KRAS: variants seen among roughly 807,000 people sequenced by gnomAD.
KRAS encodes GTPase KRas.
In KRAS, 1 loss-of-function variant was observed where a neutral mutation model predicts 21.0. That is an observed-to-expected ratio of 0.05 (90% CI 0.02 to 0.23). The LOEUF is 0.23. KRAS is among the 10% of genes least tolerant of loss of function. The probability of loss-of-function intolerance (pLI) is 1.00; values close to 1 mark genes in which losing one functional copy is unlikely to be tolerated. For missense variants in KRAS, 107 were observed against 221.8 expected (o/e 0.48, Z 3.29); for synonymous variants, 67 against 72.5 (o/e 0.92, Z 0.39).
Position 25,209,270 on chromosome 12 carries a change from T to C in KRAS, c.*525A>G. 1 of 674,568 alleles carries C rather than the reference T, an allele frequency of 1.5e-6. No homozygotes were observed. The highest frequency in any genetic ancestry group is 2.7e-6 in the Non-Finnish European group (1 of 371,244). 41.8% of individuals were successfully genotyped at this position (674,568 alleles called of 1,614,324 possible). ...GGAGACAAAACCTTTGTGAACAGTG[T>C]AACTTTACATTCATCAGGGATGACA... On this transcript the variant is annotated 3_prime_UTR_variant, in exon 5 of 5. Coordinates refer to ENST00000311936, the MANE Select transcript of KRAS (RefSeq NM_004985.5).
intron 2 of KRAS, chr12:25,234,655 G>A (rs1421746272): frequency 1.1e-5 from 2 of 187,746 alleles, no homozygotes; most frequent in Non-Finnish European, 1.1e-5. Context: ...TTAATGAAGT[G>A]TTTCCTGGTT....
At chr12:25,242,496 T>C (rs1951623410) in intron 2 of KRAS, among the ~76,000 whole-genome samples, 1 of 152,200 alleles carries the variant, frequency 6.6e-6, no homozygotes, top group Non-Finnish European at 1.5e-5. Context: ...TTTTCAATAA[T>C]CTTGCCCTAA....
At chr12:25,233,151 T>TA (rs1405354585) in intron 2 of KRAS, among the ~76,000 whole-genome samples, 3 of 152,146 alleles carry the variant, frequency 2.0e-5, no homozygotes, top group Non-Finnish European at 4.4e-5. Flanking sequence ...TAGTCCATGA[T>TA]AACTATTTTG....
intron 4 of KRAS, chr12:25,215,202 C>A (rs1451949052): frequency 2.9e-6 from 2 of 684,876 alleles, no homozygotes; most frequent in African/African-American, 3.9e-5. Flanking sequence ...CTCATTAAAT[C>A]ATTAGACTTT....
chr12:25,206,284 A>G lies in KRAS; in HGVS notation c.*3511T>C. 9.6e-6 allele frequency: 2 copies of G among 208,948 alleles called. No homozygotes were observed. Among genetic ancestry groups the G allele is most frequent in the Non-Finnish European group, 1.9e-5 (2 of 102,648 alleles). The allele number at this position is 208,948 out of a possible 1,614,324, so 12.9% of individuals were successfully genotyped here. ...CCTATGCAGTGTGACTCAGTTAAAT[A>G]GAGCCTAGAATGCCTACTTGGGAAC... On this transcript the variant is annotated 3_prime_UTR_variant, in exon 5 of 5. Coordinates refer to ENST00000311936, the MANE Select transcript of KRAS (RefSeq NM_004985.5).
intron 3 of KRAS, among the ~76,000 whole-genome samples, chr12:25,226,858 GCTT>G (rs1951399852): frequency 6.6e-6 from 1 of 152,106 alleles, no homozygotes. Flanking sequence ...ACACACGATT[GCTT>G]TTAAGACTGT....
chr12:25,213,599 C>T (rs1362374643), intron 4 of KRAS, among the ~76,000 whole-genome samples: 1 of 152,140 alleles, frequency 6.6e-6, no homozygotes, highest in Non-Finnish European at 1.5e-5. Context: ...TAGATTAGTA[C>T]ACCACGTAGT....
In KRAS at chr12:25,246,558, A is replaced by AAAAC. The variant is rs543561816; in HGVS notation, c.-11-1167_-11-1164dup. Among the ~76,000 whole-genome samples the AAAAC allele has an allele frequency of 2.5e-3, 383 of 152,034 alleles. 3 individuals are homozygous for AAAAC. The highest frequency in any genetic ancestry group is 8.4e-3 in the African/African-American group (348 of 41,476). On this transcript the variant is annotated intron_variant, in intron 1 of 4. Transcript: ENST00000311936. The stretch of plus-strand genomic sequence containing the variant: ...GGGTGACGGAGTAAGACTCCATCTC[A>AAAAC]AAACAAACAAACAAACAAAAAGATT...
chr12:25,224,692 C>T (rs905345669), intron 4 of KRAS, among the ~76,000 whole-genome samples: 1 of 152,030 alleles, frequency 6.6e-6, no homozygotes, highest in Admixed American at 6.6e-5. Context: ...TTAACAATTG[C>T]CTTATAGTCA....
intron 1 of KRAS, among the ~76,000 whole-genome samples, chr12:25,250,056 G>A (rs1176645664): frequency 1.3e-5 from 2 of 152,156 alleles, no homozygotes; most frequent in Non-Finnish European, 2.9e-5. Context: ...CAATGTCACA[G>A]CCCATACATG....
intron 1 of KRAS, among the ~76,000 whole-genome samples, chr12:25,248,417 TC>T (rs2135811065): frequency 6.6e-6 from 1 of 152,126 alleles, no homozygotes; most frequent in East Asian, 1.9e-4. Context: ...GCCACTGCAT[TC>T]CGGCCTGGGT....
Position 25,249,591 on chromosome 12 carries a change from C to CAAAAAAAAAAAAAAAAAAAAAAA in KRAS, c.-12+1159_-12+1160insTTTTTTTTTTTTTTTTTTTTTTT, listed in dbSNP as rs71065929. 1.2e-4 allele frequency among the ~76,000 whole-genome samples: 7 copies of CAAAAAAAAAAAAAAAAAAAAAAA among 60,828 alleles called. 1 individual carries two copies. The highest frequency in any genetic ancestry group is 1.9e-4 in the African/African-American group (3 of 15,772). The allele number at this position is 60,828 out of a possible 152,430, so 39.9% of individuals were successfully genotyped here. On this transcript the variant is annotated intron_variant, in intron 1 of 4. Transcript: ENST00000311936. ...TGGGCAACAGAGCGAGACTGTGTCT[C>CAAAAAAAAAAAAAAAAAAAAAAA]AAAAAAAAAAAAAAAAAGGAGATGC...
intron 4 of KRAS, among the ~76,000 whole-genome samples, chr12:25,221,981 C>T (rs2141499270): frequency 6.6e-6 from 1 of 152,044 alleles, no homozygotes; most frequent in Admixed American, 6.6e-5. Context: ...AAACCCGTCT[C>T]TACTAAAAAT....
At chr12:25,215,115 A>AG in intron 4 of KRAS, 1 of 258,304 alleles carries the variant, frequency 3.9e-6, no homozygotes, top group African/African-American at 2.3e-5. Context: ...AAAAAAAAAA[A>AG]GCTGCTGATT....
At chr12:25,222,915 A>T (rs370910462) in intron 4 of KRAS, among the ~76,000 whole-genome samples, 1 of 152,196 alleles carries the variant, frequency 6.6e-6, no homozygotes, top group South Asian at 2.1e-4. Context: ...ACAAAGTGGG[A>T]CTAACAAGAC....
At chr12:25,233,399 C>CA (rs1033275125) in intron 2 of KRAS, among the ~76,000 whole-genome samples, 6 of 150,776 alleles carry the variant, frequency 4.0e-5, no homozygotes, top group Non-Finnish European at 7.4e-5. Flanking sequence ...ACAAAAAATA[C>CA]AAAAAAAAAT....
intron 2 of KRAS, among the ~76,000 whole-genome samples, chr12:25,228,316 T>C (rs1408486913): frequency 6.6e-6 from 1 of 151,474 alleles, no homozygotes; most frequent in East Asian, 1.9e-4. Flanking sequence ...GAGCTCCATC[T>C]GATTTTGGAT....
intron 4 of KRAS, among the ~76,000 whole-genome samples, chr12:25,222,274 G>A (rs959255009): frequency 5.3e-5 from 8 of 152,070 alleles, no homozygotes; most frequent in Non-Finnish European, 7.4e-5. Context: ...AGTAACTGGA[G>A]ATGTAAAATT....
chr12:25,206,420 CT>C lies in KRAS; in HGVS notation c.*3374del. The stretch of plus-strand genomic sequence containing the variant: ...AAAAAACTTCAACAAGGATTTTTGT[CT>C]TTAAGGCTGTAATAATTAGGTAACA... On this transcript the variant is annotated 3_prime_UTR_variant, in exon 5 of 5. Coordinates refer to ENST00000311936, the MANE Select transcript of KRAS (RefSeq NM_004985.5). The C allele has an allele frequency of 4.9e-6, 1 of 203,722 alleles. No individual in the cohort carries two copies. The highest frequency in any genetic ancestry group is 1.0e-5 in the Non-Finnish European group (1 of 99,378). The allele number at this position is 203,722 out of a possible 1,614,324, so 12.6% of individuals were successfully genotyped here.
Sources: allele counts gnomAD v4.1 joint callset (sites outside exome capture counted in the v4.1 genomes callset), GRCh38; gene constraint gnomAD v4.1.1; transcripts MANE v1.5; gene names NCBI Gene and HGNC (gene_info 2026-07-23, HGNC 2026-07-21).